The following SYNPR variants were observed in gnomAD, a reference collection of about 807,000 sequenced individuals.
SYNPR encodes synaptoporin.
A neutral mutation model predicts 32.9 loss-of-function variants in SYNPR; 23 were observed. That is an observed-to-expected ratio of 0.70 (90% CI 0.50 to 0.99). The LOEUF (loss-of-function observed/expected upper bound fraction) is 0.99. Among genes scored for constraint, SYNPR ranks in the 50% least tolerant of loss-of-function variants. The pLI is 0.00. For missense variants in SYNPR, 318 were observed against 349.3 expected (o/e 0.91, Z 0.71); for synonymous variants, 146 against 135.9 (o/e 1.07, Z -0.52).
chr3:63,604,844 T>C (rs1277844177), intron 4 of SYNPR, among the ~76,000 whole-genome samples: 2 of 152,240 alleles, frequency 1.3e-5, no homozygotes, highest in African/African-American at 2.4e-5. Context: ...GGGAAAACCA[T>C]TGGCCAGTGC....
At chr3:63,580,473 T>G (rs907544148) in intron 4 of SYNPR, among the ~76,000 whole-genome samples, 7 of 152,188 alleles carry the variant, frequency 4.6e-5, no homozygotes, top group Non-Finnish European at 7.4e-5. Flanking sequence ...AGACCCATGA[T>G]GCAGTACAAG....
intron 4 of SYNPR, among the ~76,000 whole-genome samples, chr3:63,580,637 C>T (rs1250363856): frequency 6.6e-6 from 1 of 152,058 alleles, no homozygotes; most frequent in Non-Finnish European, 1.5e-5. Flanking sequence ...GTTATGAAAC[C>T]TAGTGTATTT....
chr3:63,274,299 A>G (rs544759220), upstream of SYNPR, among the ~76,000 whole-genome samples: 1 of 152,318 alleles, frequency 6.6e-6, no homozygotes, highest in African/African-American at 2.4e-5. Context: ...AAGTTCTTCT[A>G]TTGCAGCTTG....
chr3:63,301,046 C>G (rs10510894), intron 2 of SYNPR, among the ~76,000 whole-genome samples: 18,914 of 152,122 alleles, frequency 0.12, 1,288 homozygotes, highest in Non-Finnish European at 0.16. Flanking sequence ...GAAAAGAGAA[C>G]TGGATTTGAA....
intron 3 of SYNPR, among the ~76,000 whole-genome samples, chr3:63,544,182 T>C (rs1167468969): frequency 3.3e-5 from 5 of 152,058 alleles, no homozygotes; most frequent in East Asian, 3.9e-4. Flanking sequence ...AGCTTGAAGA[T>C]TGTGTGATTA....
At chr3:63,500,885 A>G (rs1701464359) in intron 3 of SYNPR, among the ~76,000 whole-genome samples, 1 of 152,206 alleles carries the variant, frequency 6.6e-6, no homozygotes, top group Admixed American at 6.5e-5. Context: ...AGTGTGGTAT[A>G]GACAAGGATT....
At chr3:63,518,525 C>G (rs563638083) in intron 3 of SYNPR, among the ~76,000 whole-genome samples, 1 of 152,278 alleles carries the variant, frequency 6.6e-6, no homozygotes, top group Admixed American at 6.5e-5. Context: ...TTTCTCCCTT[C>G]AAGTGCATTG....
At chr3:63,599,255 G>C (rs547931968) in intron 4 of SYNPR, among the ~76,000 whole-genome samples, 131 of 152,236 alleles carry the variant, frequency 8.6e-4, no homozygotes, top group Non-Finnish European at 1.5e-3. Flanking sequence ...ATTTAGTGTA[G>C]TCTAATCATA....
At chr3:63,441,166 T>C (rs1700162972) in intron 2 of SYNPR, among the ~76,000 whole-genome samples, 1 of 152,198 alleles carries the variant, frequency 6.6e-6, no homozygotes, top group Non-Finnish European at 1.5e-5. Context: ...TTTTCACCTA[T>C]ACCCTGGAAT....
intron 2 of SYNPR, among the ~76,000 whole-genome samples, chr3:63,355,634 G>A (rs540706741): frequency 1.3e-5 from 2 of 152,152 alleles, no homozygotes; most frequent in African/African-American, 2.4e-5. Flanking sequence ...CTGATGCACC[G>A]GTCCCTGCTT....
chr3:63,568,608 A>T (rs776624016), intron 4 of SYNPR, among the ~76,000 whole-genome samples: 6 of 152,144 alleles, frequency 3.9e-5, no homozygotes, highest in Non-Finnish European at 8.8e-5. Context: ...ATTTCTATGG[A>T]GTTACTAAGC....
At chr3:63,276,950 T>G (rs1393717767), upstream of SYNPR, among the ~76,000 whole-genome samples, 1 of 151,036 alleles carries the variant, frequency 6.6e-6, no homozygotes, top group East Asian at 2.0e-4. Flanking sequence ...CAAACCTTTT[T>G]GGCAAATCTT....
At chr3:63,257,220 C>T (rs1242980695) in intron 2 of SYNPR, among the ~76,000 whole-genome samples, 1 of 152,066 alleles carries the variant, frequency 6.6e-6, no homozygotes, top group Non-Finnish European at 1.5e-5. Context: ...ATAGAGAATG[C>T]CACAAAGATA....
intron 3 of SYNPR, among the ~76,000 whole-genome samples, chr3:63,481,308 A>T (rs530927924): frequency 8.5e-5 from 13 of 152,238 alleles, no homozygotes; most frequent in Non-Finnish European, 1.6e-4. Flanking sequence ...TCTAATGCAC[A>T]TTTTGAAATC....
intron 2 of SYNPR, among the ~76,000 whole-genome samples, chr3:63,256,293 G>A (rs900818774): frequency 1.2e-4 from 18 of 152,312 alleles, no homozygotes; most frequent in African/African-American, 4.3e-4. Flanking sequence ...CATGACCCCC[G>A]AGTAGCCTAA....
chr3:63,393,501 T>A (rs1180581890), intron 2 of SYNPR, among the ~76,000 whole-genome samples: 17 of 135,582 alleles, frequency 1.3e-4, no homozygotes, highest in African/African-American at 5.0e-4. Context: ...CTTCTCTTTT[T>A]TTTTTTTTTT....
At chr3:63,225,756 T>C (rs1473744208), upstream of SYNPR, among the ~76,000 whole-genome samples, 1 of 152,212 alleles carries the variant, frequency 6.6e-6, no homozygotes, top group Non-Finnish European at 1.5e-5. Flanking sequence ...AAAGATTTTA[T>C]AGCAAAGACC....
At chr3:63,232,512 C>A (rs2086174313) in intron 1 of SYNPR, among the ~76,000 whole-genome samples, 1 of 152,262 alleles carries the variant, frequency 6.6e-6, no homozygotes, top group South Asian at 2.1e-4. Context: ...GCCCCAGATT[C>A]TGAGTATATT....
At chr3:63,370,978 C>T (rs900405595) in intron 2 of SYNPR, among the ~76,000 whole-genome samples, 17 of 152,112 alleles carry the variant, frequency 1.1e-4, no homozygotes, top group South Asian at 1.0e-3. Context: ...ACTGCTCTCA[C>T]GGACAGAAGA....
Sources: gnomAD v4.1 joint callset for allele counts (sites outside exome capture counted in the v4.1 genomes callset) on GRCh38, gnomAD v4.1.1 for gene constraint, MANE v1.5 for transcripts, NCBI Gene and HGNC (gene_info 2026-07-23, HGNC 2026-07-21) for gene names.